RNGTT: variants seen among roughly 807,000 people sequenced by gnomAD.
The protein encoded by RNGTT is RNA guanylyltransferase and 5'-phosphatase.
A neutral mutation model predicts 79.3 loss-of-function variants in RNGTT; 33 were observed. That is an observed-to-expected ratio of 0.42 (90% CI 0.32 to 0.56). The LOEUF is 0.56. Ranked by LOEUF, RNGTT falls within the 20% of genes least tolerant of loss-of-function variation. RNGTT has a pLI of 0.17. For synonymous variants in RNGTT, 222 were observed against 235.9 expected (o/e 0.94, Z 0.54); for missense variants, 497 against 739.1 (o/e 0.67, Z 3.80).
At chr6:88,732,183 C>T (rs1270113687) in intron 13 of RNGTT, among the ~76,000 whole-genome samples, 1 of 152,004 alleles carries the variant, frequency 6.6e-6, no homozygotes, top group Non-Finnish European at 1.5e-5. Context: ...TAAAACTCAA[C>T]AGCAATAACA....
At chr6:88,916,165 A>C (rs1783992652) in intron 4 of RNGTT, among the ~76,000 whole-genome samples, 1 of 152,236 alleles carries the variant, frequency 6.6e-6, no homozygotes, top group African/African-American at 2.4e-5. Flanking sequence ...TGGTTTTACC[A>C]GTATCTACAT....
At chr6:88,901,544 T>A (rs1049521287) in intron 6 of RNGTT, among the ~76,000 whole-genome samples, 4 of 133,966 alleles carry the variant, frequency 3.0e-5, no homozygotes, top group Non-Finnish European at 4.7e-5. Flanking sequence ...TCTCACTCTG[T>A]CGACCAGGCT....
chr6:88,797,658 A>G (rs9353614), intron 12 of RNGTT, among the ~76,000 whole-genome samples: 29,830 of 151,930 alleles, frequency 0.2, 3,628 homozygotes, highest in African/African-American at 0.33. Flanking sequence ...CTAATGCTAG[A>G]TGACAAGACT....
intron 14 of RNGTT, among the ~76,000 whole-genome samples, chr6:88,671,368 A>G (rs1402007875): frequency 6.6e-6 from 1 of 152,230 alleles, no homozygotes; most frequent in Non-Finnish European, 1.5e-5. Flanking sequence ...TGCAAATAAA[A>G]TAAAATACTT....
chr6:88,613,768 A>C (rs1386760009), intron 15 of RNGTT, among the ~76,000 whole-genome samples: 2 of 152,248 alleles, frequency 1.3e-5, no homozygotes, highest in Non-Finnish European at 2.9e-5. Context: ...TACTATTCTG[A>C]ATTCCCAAAG....
Position 88,749,334 on chromosome 6 carries a change from C to T in RNGTT, c.1439+20440G>A, listed in dbSNP as rs182594780. Among the ~76,000 whole-genome samples, 941 of 151,734 alleles carry T rather than the reference C, an allele frequency of 6.2e-3. 10 individuals are homozygous for T. Among genetic ancestry groups the T allele is most frequent in the South Asian group, 0.037 (176 of 4,792 alleles). ...TATAATAGAAGAAATACAAACGTAACTTGGAAAGGATTACATTTCTTGGAA... is the reference window on the plus strand; with the variant it reads ...TATAATAGAAGAAATACAAACGTAATTTGGAAAGGATTACATTTCTTGGAA... On this transcript the variant is annotated intron_variant, in intron 13 of 15. Coordinates refer to ENST00000369485, the MANE Select transcript of RNGTT (RefSeq NM_003800.5).
chr6:88,801,541 C>A (rs1287789099), intron 12 of RNGTT, 23 bp downstream of exon 12: 2 of 1,593,572 alleles, frequency 1.3e-6, no homozygotes, highest in African/African-American at 1.3e-5. Context: ...AACGAACACA[C>A]ACACACAGAC....
chr6:88,808,245 T>C (rs1340643895), intron 11 of RNGTT, among the ~76,000 whole-genome samples: 3 of 152,172 alleles, frequency 2.0e-5, no homozygotes, highest in Non-Finnish European at 4.4e-5. Context: ...ATTTATAACA[T>C]ATGTAAAAAC....
intron 13 of RNGTT, among the ~76,000 whole-genome samples, chr6:88,719,594 T>C (rs1052214584): frequency 6.6e-6 from 1 of 152,208 alleles, no homozygotes; most frequent in Non-Finnish European, 1.5e-5. Flanking sequence ...GTGTTTACTC[T>C]GTGAAACTTA....
At chr6:88,842,781 G>T (rs1171882986) in intron 11 of RNGTT, among the ~76,000 whole-genome samples, 1 of 151,968 alleles carries the variant, frequency 6.6e-6, no homozygotes, top group Non-Finnish European at 1.5e-5. Flanking sequence ...ACATAAAAAT[G>T]AACTTTTCAG....
chr6:88,865,452 T>G (rs1404671731), intron 8 of RNGTT, among the ~76,000 whole-genome samples: 1 of 152,024 alleles, frequency 6.6e-6, no homozygotes, highest in Non-Finnish European at 1.5e-5. Flanking sequence ...AAGAGATAAG[T>G]GAACACAGAA....
intron 13 of RNGTT, among the ~76,000 whole-genome samples, chr6:88,751,678 A>C (rs1777844725): frequency 6.6e-6 from 1 of 152,130 alleles, no homozygotes; most frequent in Non-Finnish European, 1.5e-5. Context: ...GTAATAATTT[A>C]ATATAAATAC....
chr6:88,698,222 CATATATATATGAAATATATATATGAA>C (rs1415257667), intron 13 of RNGTT, among the ~76,000 whole-genome samples: 3 of 70,858 alleles, frequency 4.2e-5, no homozygotes, highest in East Asian at 2.8e-4. Flanking sequence ...ATATATATAT[CATATATATATGAAATATATATATGAA>C]ATATATATAT....
intron 11 of RNGTT, among the ~76,000 whole-genome samples, chr6:88,824,748 C>CTT (rs59203172): frequency 8.1e-5 from 11 of 135,886 alleles, no homozygotes; most frequent in Admixed American, 2.2e-4. Context: ...CGTTTGTTTT[C>CTT]TTTTTTTTTT....
At chr6:88,627,058 TA>T (rs71776551) in intron 14 of RNGTT, among the ~76,000 whole-genome samples, 5,218 of 152,166 alleles carry the variant, frequency 0.034, 299 homozygotes, top group African/African-American at 0.12. Flanking sequence ...AGGAGGAGGC[TA>T]AAAAATGCAA....
At chr6:88,702,467 C>T (rs937124996) in intron 13 of RNGTT, among the ~76,000 whole-genome samples, 1 of 152,090 alleles carries the variant, frequency 6.6e-6, no homozygotes, top group African/African-American at 2.4e-5. Context: ...GGAAAGGACT[C>T]CCTATTCAAT....
At chr6:88,694,823 G>C (rs552828220) in intron 13 of RNGTT, among the ~76,000 whole-genome samples, 4 of 152,078 alleles carry the variant, frequency 2.6e-5, no homozygotes, top group African/African-American at 9.6e-5. Flanking sequence ...TTTGACAGAG[G>C]TTCTCTCCCT....
chr6:88,813,240 C>T (rs561975049), intron 11 of RNGTT, among the ~76,000 whole-genome samples: 18 of 152,300 alleles, frequency 1.2e-4, no homozygotes, highest in Middle Eastern at 6.8e-3. Context: ...TGTCACAGAT[C>T]AAATTTCCAC....
intron 13 of RNGTT, among the ~76,000 whole-genome samples, chr6:88,680,053 GT>G (rs1439207956): frequency 6.6e-6 from 1 of 152,152 alleles, no homozygotes; most frequent in African/African-American, 2.4e-5. Context: ...GGAACACTGT[GT>G]GGTATCTAGA....
Sources: gnomAD v4.1 joint callset for allele counts (sites outside exome capture counted in the v4.1 genomes callset) on GRCh38, gnomAD v4.1.1 for gene constraint, MANE v1.5 for transcripts, NCBI Gene and HGNC (gene_info 2026-07-23, HGNC 2026-07-21) for gene names.